The following TMTC4 variants were observed in gnomAD, a reference collection of about 807,000 sequenced individuals.
TMTC4 encodes the protein transmembrane O-mannosyltransferase targeting cadherins 4, also known as protein O-mannosyl-transferase TMTC4.
Under a neutral mutation model 86.0 loss-of-function variants are expected in TMTC4, and 65 were observed. The observed-to-expected ratio is 0.76, with a 90% CI of 0.62 to 0.93. TMTC4 has a LOEUF of 0.93. TMTC4 is among the 40% of genes least tolerant of loss of function. The pLI is 0.00. For missense variants in TMTC4, 866 were observed against 948.1 expected (o/e 0.91, Z 1.14); for synonymous variants, 379 against 382.5 (o/e 0.99, Z 0.11).
At chr13:100,623,918 T>C in intron 15 of TMTC4, 4 of 493,290 alleles carry the variant, frequency 8.1e-6, no homozygotes, top group South Asian at 5.9e-5. Context: ...AATTAGGGTC[T>C]TCCTTGGTGC....
In TMTC4 at chr13:100,604,283, CT is replaced by C. The variant is rs777877135; in HGVS notation, c.*710del. ...GCTCTTGCCTAAAGCATGGCTTGAA[CT>C]TTCAATTGATAGTAACCGCTTATGT... is the stretch of plus-strand genomic sequence containing the variant. On this transcript the variant is annotated 3_prime_UTR_variant, in exon 19 of 19. Coordinates refer to ENST00000342624, the MANE Select transcript of TMTC4 (RefSeq NM_032813.5). 91 of 152,740 alleles carry C rather than the reference CT, an allele frequency of 6.0e-4. No homozygotes were observed. The highest frequency in any genetic ancestry group is 1.1e-3 in the Non-Finnish European group (74 of 68,036). The allele number at this position is 152,740 out of a possible 1,614,324, so 9.5% of individuals were successfully genotyped here.
At chr13:100,667,345 C>T (rs1368224032) in intron 3 of TMTC4, among the ~76,000 whole-genome samples, 2 of 152,088 alleles carry the variant, frequency 1.3e-5, no homozygotes, top group Non-Finnish European at 2.9e-5. Flanking sequence ...AGTAGAATTG[C>T]TTGAACCCCG....
In TMTC4 at chr13:100,636,769, T is replaced by TA. The variant is rs780198481; in HGVS notation, c.1000-36dup. 12 of 1,609,054 alleles carry TA rather than the reference T, an allele frequency of 7.5e-6. No homozygotes were observed. In the African/African-American group the frequency reaches 1.5e-4, roughly 20 times the overall value. ...AAAAGGAGAACAAACATCTATTTGA[T>TA]ACTGAACTTAAAAAACACATATATA... On this transcript the variant is annotated intron_variant, in intron 9 of 18. Transcript: ENST00000342624.
intron 17 of TMTC4, among the ~76,000 whole-genome samples, chr13:100,607,186 C>T (rs1876759783): frequency 1.3e-5 from 2 of 152,168 alleles, no homozygotes; most frequent in South Asian, 4.1e-4. Flanking sequence ...CTGTTCACTC[C>T]ATCCACCTTC....
rs1239387958 is a variant in TMTC4, at chr13:100,668,631, C to A, written c.167G>T (p.Ser56Ile). Residue 56 changes from serine (S) to isoleucine (I), a missense_variant, in exon 3 of 19, where the codon AGC becomes ATC. Ser to Ile is a moderately radical substitution (Grantham distance 142). Coordinates refer to ENST00000342624, the MANE Select transcript of TMTC4 (RefSeq NM_032813.5). Reference sequence around the variant, plus strand: ...ATCAAAGACAAAGTCTCCATCATAGCTGCGTGCAAAACACACAATGGCAAC... The same window carrying A: ...ATCAAAGACAAAGTCTCCATCATAGATGCGTGCAAAACACACAATGGCAAC... ...GSVAIVCFARSYDGDFVFDDS... is the reference protein window; with the variant it reads ...GSVAIVCFARIYDGDFVFDDS... 1.2e-6 allele frequency: 2 copies of A among 1,614,198 alleles called. No individual in the cohort carries two copies. The highest frequency in any genetic ancestry group is 3.3e-5 in the Admixed American group (2 of 60,022).
chr13:100,670,746 C>T (rs41281130), intron 1 of TMTC4, 177 bp from the exon 2 acceptor site: 3,510 of 192,566 alleles, frequency 0.018, 41 homozygotes, highest in Middle Eastern at 0.051. Flanking sequence ...CCCAGAGGTT[C>T]GAGACCAGCC....
At chr13:100,674,593 C>G in intron 1 of TMTC4, 151 bp downstream of exon 1, 1 of 982,528 alleles carries the variant, frequency 1.0e-6, no homozygotes, top group Non-Finnish European at 1.2e-6. Context: ...GCTCAGGTCC[C>G]GGAACCAACT....
intron 6 of TMTC4, among the ~76,000 whole-genome samples, chr13:100,644,293 C>A (rs982058832): frequency 2.6e-5 from 4 of 151,784 alleles, no homozygotes; most frequent in African/African-American, 9.7e-5. Flanking sequence ...TTAGTAGAGA[C>A]GGGGTTTCAC....
chr13:100,670,640 C>A, intron 1 of TMTC4, 71 bp from the exon 2 acceptor site: 1 of 394,860 alleles, frequency 2.5e-6, no homozygotes, highest in Non-Finnish European at 4.5e-6. Flanking sequence ...AGAAATTACT[C>A]CTGCTACTTA....
chr13:100,624,632 G>A (rs1016835771), intron 15 of TMTC4, among the ~76,000 whole-genome samples: 33 of 152,196 alleles, frequency 2.2e-4, no homozygotes, highest in African/African-American at 7.2e-4. Flanking sequence ...CCTTTAAAAC[G>A]AGGGCAGCAG....
chr13:100,645,249 C>G (rs548864462), intron 6 of TMTC4, among the ~76,000 whole-genome samples: 1 of 152,208 alleles, frequency 6.6e-6, no homozygotes, highest in African/African-American at 2.4e-5. Context: ...TACACTCACT[C>G]CAGGCCCACC....
At chr13:100,621,891 A>G (rs1200049420) in intron 15 of TMTC4, among the ~76,000 whole-genome samples, 1 of 152,088 alleles carries the variant, frequency 6.6e-6, no homozygotes, top group African/African-American at 2.4e-5. Context: ...CCCCACCCCT[A>G]TTCTCACTTC....
intron 15 of TMTC4, among the ~76,000 whole-genome samples, chr13:100,622,542 T>C (rs1879682660): frequency 1.3e-5 from 2 of 152,186 alleles, no homozygotes; most frequent in Admixed American, 1.3e-4. Flanking sequence ...TGAGATCTGA[T>C]GGTTTTATAA....
intron 6 of TMTC4, among the ~76,000 whole-genome samples, chr13:100,650,629 G>A (rs1234102796): frequency 6.6e-6 from 1 of 152,218 alleles, no homozygotes; most frequent in East Asian, 1.9e-4. Flanking sequence ...AAGCTGGAAC[G>A]ACCAAGCCGT....
rs1218909678 is a variant in TMTC4 at position 100,606,354 on chromosome 13, T to C, written c.2134+4A>G. 5 of 1,613,448 alleles carry C rather than the reference T, an allele frequency of 3.1e-6. No individual in the cohort carries two copies. Among genetic ancestry groups the C allele is most frequent in the South Asian group, 1.1e-5 (1 of 90,856 alleles). On this transcript the variant is annotated splice_donor_region_variant and intron_variant, in intron 18 of 18. Transcript: ENST00000342624. ...ACACGATTCAAGTTGAACATTTTTC[T>C]TACCCAAATTACCATGGTAACTTGC...
At chr13:100,670,864 G>C (rs1422169919) in intron 1 of TMTC4, 1 of 153,652 alleles carries the variant, frequency 6.5e-6, no homozygotes, top group African/African-American at 2.4e-5. Flanking sequence ...AGAGGTGCGA[G>C]TATTGCTTGA....
At chr13:100,672,710 T>C (rs1379137075) in intron 1 of TMTC4, among the ~76,000 whole-genome samples, 1 of 152,162 alleles carries the variant, frequency 6.6e-6, no homozygotes, top group African/African-American at 2.4e-5. Context: ...CAGGCTGGAA[T>C]CAAACTCCTG....
At chr13:100,656,709 A>G (rs1325592562) in intron 5 of TMTC4, among the ~76,000 whole-genome samples, 2 of 151,846 alleles carry the variant, frequency 1.3e-5, no homozygotes, top group East Asian at 3.9e-4. Flanking sequence ...ACAGCTGGTT[A>G]ATGTTTGTAT....
At chr13:100,611,806 G>A (rs1877627566) in intron 17 of TMTC4, among the ~76,000 whole-genome samples, 1 of 152,184 alleles carries the variant, frequency 6.6e-6, no homozygotes, top group Admixed American at 6.5e-5. Context: ...GCCAACTGGA[G>A]CAAAGATTTA....
Sources: allele counts gnomAD v4.1 joint callset (sites outside exome capture counted in the v4.1 genomes callset), GRCh38; gene constraint gnomAD v4.1.1; transcripts MANE v1.5; gene names NCBI Gene and HGNC (gene_info 2026-07-23, HGNC 2026-07-21).